GFI1B: variants seen among roughly 807,000 people sequenced by gnomAD.
GFI1B encodes growth factor independent 1B transcriptional repressor, also known as zinc finger protein Gfi-1b.
GFI1B carries 20 observed loss-of-function variants against 35.3 expected under a neutral mutation model. That is an observed-to-expected ratio of 0.57 (90% CI 0.40 to 0.82). The LOEUF (loss-of-function observed/expected upper bound fraction) is 0.82. Ranked by LOEUF, GFI1B falls within the 40% of genes least tolerant of loss-of-function variation. The pLI is 0.00. For synonymous variants in GFI1B, 178 were observed against 177.6 expected (o/e 1.00, Z -0.02); for missense variants, 430 against 446.3 (o/e 0.96, Z 0.33).
chr9:132,964,526 C>T (rs887233454), intron 1 of GFI1B, among the ~76,000 whole-genome samples: 1 of 152,136 alleles, frequency 6.6e-6, no homozygotes, highest in Admixed American at 6.6e-5. Flanking sequence ...AAGGCCATGA[C>T]GGGCGGGTTC....
chr9:132,945,950 T>C (rs548666686), intron 1 of GFI1B, among the ~76,000 whole-genome samples: 25 of 152,144 alleles, frequency 1.6e-4, no homozygotes, highest in African/African-American at 5.3e-4. Context: ...GGTGTGTGAG[T>C]AGCCAGCACC....
rs1849103865 is a variant in GFI1B, at chr9:132,987,265, G to A, written c.101-17G>A. 6.2e-7 allele frequency: 1 copy of A among 1,613,030 alleles called. No individual in the cohort carries two copies. The highest frequency in any genetic ancestry group is 1.3e-5 in the African/African-American group (1 of 75,050). On this transcript the variant is annotated splice_polypyrimidine_tract_variant and intron_variant, in intron 2 of 6. Transcript: ENST00000372122. The stretch of plus-strand genomic sequence containing the variant: ...GAAACCGTGGCTATTGATGCTGATG[G>A]TCCTATCTCCCCACAGTGCCCAGAG...
chr9:132,971,972 T>TAA (rs55710047), intron 1 of GFI1B, among the ~76,000 whole-genome samples: 48,364 of 130,212 alleles, frequency 0.37, 8,668 homozygotes, highest in South Asian at 0.54. Flanking sequence ...AGACTCTGTC[T>TAA]AAAAAAAAAA....
At chr9:132,947,222 C>T (rs546854229) in intron 1 of GFI1B, 1 of 152,334 alleles carries the variant, frequency 6.6e-6, no homozygotes, top group East Asian at 1.9e-4. Flanking sequence ...GGCTGTGTGA[C>T]ATCTCCCCCT....
At chr9:132,947,126 C>T (rs73660565) in intron 1 of GFI1B, 5,266 of 152,438 alleles carry the variant, frequency 0.035, 314 homozygotes, top group African/African-American at 0.12. Flanking sequence ...GCTTCCTGAC[C>T]GGCCTGTCTG....
intron 3 of GFI1B, 65 bp downstream of exon 3, chr9:132,987,484 C>G (rs1452973104): frequency 1.3e-6 from 2 of 1,589,774 alleles, no homozygotes; most frequent in Non-Finnish European, 1.7e-6. Context: ...TGAAGGGACT[C>G]TTGCAGCAGG....
rs114955344 is a variant in GFI1B, at chr9:132,986,778, G to A, written c.100G>A (p.Val34Met). The change falls in exon 2 of 7, where the codon GTG becomes ATG. Residue 34 changes from valine to methionine, a missense_variant and splice_region_variant. Transcript: ENST00000372122. ...GCTCTGGCCTCCTGCCCTTACCCCG[G>A]GTGAGTCAGAGCCCGGGCTGGCGCC... ...EPLWPPALTP[V>M]PRDQAPSNSP... 1,585 of 1,603,130 alleles carry A rather than the reference G, an allele frequency of 9.9e-4. 19 individuals are homozygous for A. The African/African-American group carries it at 0.019, about 19-fold the overall frequency.
At chr9:132,947,435 GAA>G (rs1848134097) in intron 1 of GFI1B, among the ~76,000 whole-genome samples, 1 of 140,362 alleles carries the variant, frequency 7.1e-6, no homozygotes, top group Admixed American at 7.1e-5. Flanking sequence ...AAAAAAGAAA[GAA>G]AAAGAGAATT....
chr9:132,975,480 A>AC (rs928565765), upstream of GFI1B, among the ~76,000 whole-genome samples: 51 of 150,798 alleles, frequency 3.4e-4, no homozygotes, highest in African/African-American at 1.1e-3. Context: ...TCCTTCACCA[A>AC]CCCCCCCAAG....
chr9:132,973,912 C>A (rs565788498), upstream of GFI1B, among the ~76,000 whole-genome samples: 9 of 152,288 alleles, frequency 5.9e-5, no homozygotes, highest in South Asian at 1.0e-3. Flanking sequence ...GGCCCATATC[C>A]CTCCCCCTGG....
intron 1 of GFI1B, among the ~76,000 whole-genome samples, chr9:132,970,707 G>A (rs1481629061): frequency 6.6e-6 from 1 of 152,140 alleles, no homozygotes; most frequent in Non-Finnish European, 1.5e-5. Flanking sequence ...AAAAGACTAA[G>A]AGATGAGGCG....
chr9:132,991,995 T>C (rs949886662), downstream of GFI1B, among the ~76,000 whole-genome samples: 2 of 152,126 alleles, frequency 1.3e-5, no homozygotes, highest in Non-Finnish European at 2.9e-5. Context: ...AACACACATT[T>C]ATTCTCTTAA....
intron 1 of GFI1B, among the ~76,000 whole-genome samples, chr9:132,948,678 A>C (rs1450736807): frequency 2.6e-5 from 4 of 152,236 alleles, no homozygotes; most frequent in Non-Finnish European, 5.9e-5. Context: ...GCAGCCCCCA[A>C]GGCCCTCTGC....
At chr9:132,948,050 C>T (rs976360818) in intron 1 of GFI1B, among the ~76,000 whole-genome samples, 4 of 152,088 alleles carry the variant, frequency 2.6e-5, no homozygotes, top group Non-Finnish European at 5.9e-5. Flanking sequence ...GGTTACGGTT[C>T]GTCCACAAGG....
chr9:132,982,915 G>A (rs1848880845), intron 1 of GFI1B, among the ~76,000 whole-genome samples: 2 of 152,272 alleles, frequency 1.3e-5, no homozygotes, highest in East Asian at 3.9e-4. Context: ...CCTGAGGCTG[G>A]AGAACCCCAG....
chr9:132,958,485 C>A (rs567210974), intron 1 of GFI1B, among the ~76,000 whole-genome samples: 1 of 152,068 alleles, frequency 6.6e-6, no homozygotes, highest in Admixed American at 6.5e-5. Flanking sequence ...AAAGAGACAG[C>A]GAGGAGGTGC....
chr9:132,964,511 C>T (rs931342567), intron 1 of GFI1B, among the ~76,000 whole-genome samples: 5 of 152,034 alleles, frequency 3.3e-5, no homozygotes, highest in African/African-American at 1.2e-4. Context: ...CAAGAAGAGC[C>T]GGGGAAGGCC....
chr9:132,978,119 G>A (rs529340875), upstream of GFI1B, among the ~76,000 whole-genome samples: 9 of 151,438 alleles, frequency 5.9e-5, 1 homozygote, highest in Middle Eastern at 6.8e-3. Context: ...GAGGGGAGGA[G>A]GCAGCGAGGA....
intron 1 of GFI1B, among the ~76,000 whole-genome samples, chr9:132,984,938 C>T (rs1848983198): frequency 6.6e-6 from 1 of 152,216 alleles, no homozygotes. Context: ...AATCTCCCAC[C>T]TCCCACCCTG....
Sources: gnomAD v4.1 joint callset for allele counts (sites outside exome capture counted in the v4.1 genomes callset) on GRCh38, gnomAD v4.1.1 for gene constraint, MANE v1.5 for transcripts, NCBI Gene and HGNC (gene_info 2026-07-23, HGNC 2026-07-21) for gene names.